APPL2: variants seen among roughly 807,000 people sequenced by gnomAD.
APPL2 encodes adaptor protein, phosphotyrosine interacting with PH domain and leucine zipper 2.
Under a neutral mutation model 92.7 loss-of-function variants are expected in APPL2, and 84 were observed. The ratio of observed to expected loss-of-function variants is 0.91; its 90% CI spans 0.76 to 1.09. APPL2 has a LOEUF of 1.09. Ranked by LOEUF, APPL2 falls within the 50% of genes least tolerant of loss-of-function variation. The pLI, the probability that APPL2 is intolerant of heterozygous loss-of-function variation, is 0.00. For synonymous variants in APPL2, 291 were observed against 291.0 expected, an observed-to-expected ratio of 1.00 and a Z score of 0.00; for missense variants, 736 against 824.5, an observed-to-expected ratio of 0.89 and a Z score of 1.31.
chr12:105,184,320 C>G (rs1028925038), intron 17 of APPL2, among the ~76,000 whole-genome samples: 1 of 152,136 alleles, frequency 6.6e-6, no homozygotes, highest in Non-Finnish European at 1.5e-5. Context: ...GAGTTGTGAT[C>G]CTTTGGAGGA....
intron 14 of APPL2, among the ~76,000 whole-genome samples, chr12:105,194,919 TG>T (rs1182694486): frequency 6.6e-6 from 1 of 152,212 alleles, no homozygotes; most frequent in African/African-American, 2.4e-5. Context: ...AAAACATTTT[TG>T]CTTTCGTTCC....
chr12:105,210,858 A>T (rs1451827215), intron 5 of APPL2, among the ~76,000 whole-genome samples: 1 of 152,140 alleles, frequency 6.6e-6, no homozygotes, highest in Non-Finnish European at 1.5e-5. Context: ...GACTTTACAA[A>T]TGTCCCCTAA....
intron 2 of APPL2, among the ~76,000 whole-genome samples, chr12:105,228,055 C>T (rs1482962350): frequency 4.6e-5 from 7 of 152,132 alleles, no homozygotes; most frequent in South Asian, 2.1e-4. Flanking sequence ...AGCTCCCCAA[C>T]GGCAAGGACT....
Position 105,176,969 on chromosome 12 carries a change from C to T in APPL2, c.1719G>A (p.Lys573=). 3.1e-6 allele frequency: 5 copies of T among 1,614,080 alleles called. No individual in the cohort carries two copies. The highest frequency in any genetic ancestry group is 1.1e-5 in the South Asian group (1 of 91,078). The change falls in exon 19 of 21, where the codon AAG becomes AAA. Residue 573 remains lysine (K), a synonymous_variant. Transcript: ENST00000258530. ...VTQFAAHQEN[K]RLVGFVIRVP... is the part of the protein sequence containing the mutation. The stretch of plus-strand genomic sequence containing the variant: ...CACGGATGACAAAACCAACCAGTCT[C>T]TTGTTTTCTTGATGAGCAGCAAATT...
Position 105,190,343 on chromosome 12 carries a change from G to T in APPL2, c.1242-188C>A, listed in dbSNP as rs148713024. On this transcript the variant is annotated intron_variant, in intron 14 of 20. Transcript: ENST00000258530. The stretch of plus-strand genomic sequence containing the variant: ...ATCCTTGGCTAAAAACCTTCAGTCT[G>T]CCCCATTTCCTGCAGTTCTCTCTGC... 5.9e-5 allele frequency among the ~76,000 whole-genome samples: 9 copies of T among 152,218 alleles called. No individual in the cohort carries two copies. The East Asian group carries it at 1.5e-3, about 26-fold the overall frequency.
In APPL2 at chr12:105,199,527, G is replaced by A. The variant is rs1388404687; in HGVS notation, c.709C>T (p.Gln237Ter). ...TCCGCCTCGGCTTCCAGTTCTACCTGAATGCTTAAGACAGAAGGTGTTGGG... is the reference window on the plus strand; with the variant it reads ...TCCGCCTCGGCTTCCAGTTCTACCTAAATGCTTAAGACAGAAGGTGTTGGG... Reference protein sequence around the residue: ...SSVADMVQSIQVELEAEAEKM... With the variant: ...SSVADMVQSI Residue 237 changes from glutamine (Q) to a stop codon, truncating the protein, a stop_gained, in exon 10 of 21, where the codon CAG becomes TAG. Coordinates refer to ENST00000258530, the MANE Select transcript of APPL2 (RefSeq NM_018171.5). LOFTEE classifies it high-confidence loss of function. 1 of 1,613,314 alleles carries A rather than the reference G, an allele frequency of 6.2e-7. No individual in the cohort carries two copies. Among genetic ancestry groups the A allele is most frequent in the African/African-American group, 1.3e-5 (1 of 74,866 alleles).
rs570845510 is a variant in APPL2 at position 105,174,304 on chromosome 12, C to T, written c.*10G>A. On this transcript the variant is annotated 3_prime_UTR_variant, in exon 21 of 21. Coordinates refer to ENST00000258530, the MANE Select transcript of APPL2 (RefSeq NM_018171.5). ...TTCCTGTTTGCTCTTCCCCCACAGG[C>T]GCAAGTGAGTTATGCTTCGGATTCT... 32 of 1,612,858 alleles carry T rather than the reference C, an allele frequency of 2.0e-5. No homozygotes were observed. The Middle Eastern group carries it at 6.6e-4, about 33-fold the overall frequency.
At chr12:105,200,173 A>G (rs956144737) in intron 9 of APPL2, among the ~76,000 whole-genome samples, 2 of 152,132 alleles carry the variant, frequency 1.3e-5, no homozygotes, top group African/African-American at 4.8e-5. Context: ...AGAGGTATCC[A>G]TGCTCAGCAC....
chr12:105,205,430 C>T (rs768672009), intron 8 of APPL2, among the ~76,000 whole-genome samples: 11 of 152,180 alleles, frequency 7.2e-5, no homozygotes, highest in African/African-American at 1.4e-4. Flanking sequence ...ATGTGTGCTA[C>T]GGTACCCACA....
chr12:105,234,737 T>A (rs1178460151), intron 1 of APPL2, among the ~76,000 whole-genome samples: 4 of 152,194 alleles, frequency 2.6e-5, no homozygotes, highest in Non-Finnish European at 5.9e-5. Context: ...ACAAAATGCC[T>A]TCTACCAAGG....
At chr12:105,223,123 C>T (rs924081763) in intron 2 of APPL2, among the ~76,000 whole-genome samples, 6 of 152,230 alleles carry the variant, frequency 3.9e-5, no homozygotes, top group Middle Eastern at 3.4e-3. Flanking sequence ...GCCACGGAGG[C>T]GTCTGAAGAT....
chr12:105,196,549 C>T (rs941923633), intron 11 of APPL2, among the ~76,000 whole-genome samples: 4 of 150,424 alleles, frequency 2.7e-5, no homozygotes, highest in African/African-American at 9.8e-5. Flanking sequence ...GATTCTCCTG[C>T]CTCAGCCTCC....
intron 2 of APPL2, among the ~76,000 whole-genome samples, chr12:105,220,964 A>T (rs1890054283): frequency 6.6e-6 from 1 of 152,248 alleles, no homozygotes; most frequent in Non-Finnish European, 1.5e-5. Flanking sequence ...GTGCAAGACC[A>T]ACTATGATTC....
chr12:105,184,897 G>T (rs189049415), intron 17 of APPL2, among the ~76,000 whole-genome samples: 3 of 132,756 alleles, frequency 2.3e-5, no homozygotes, highest in African/African-American at 5.3e-5. Context: ...GGAGATGGGA[G>T]TTTGATCTGT....
At chr12:105,176,626 G>A (rs1885568723) in intron 19 of APPL2, among the ~76,000 whole-genome samples, 1 of 152,044 alleles carries the variant, frequency 6.6e-6, no homozygotes, top group Admixed American at 6.5e-5. Flanking sequence ...CTTATATCCC[G>A]ACTAAATAAT....
At chr12:105,232,083 G>C (rs1890964909) in intron 1 of APPL2, among the ~76,000 whole-genome samples, 1 of 152,206 alleles carries the variant, frequency 6.6e-6, no homozygotes, top group Non-Finnish European at 1.5e-5. Context: ...TGGCATGCCA[G>C]CATGGAGACA....
chr12:105,190,126 T>C lies in APPL2; in HGVS notation c.1271A>G (p.Asn424Ser), dbSNP rs1887077104. 1 of 1,613,898 alleles carries C rather than the reference T, an allele frequency of 6.2e-7. No homozygotes were observed. Among genetic ancestry groups the C allele is most frequent in the South Asian group, 1.1e-5 (1 of 91,064 alleles). ...SQNLKNSEME[N>S]ENDKIVPKAT... ...TTTGGGAACAATCTTGTCATTTTCA[T>C]TTTCCATCTCTGAATTTTTCAGGTT... The change falls in exon 15 of 21, where the codon AAT (asparagine) becomes AGT (serine). Residue 424 changes from asparagine to serine, a missense_variant. Coordinates refer to ENST00000258530, the MANE Select transcript of APPL2 (RefSeq NM_018171.5).
intron 11 of APPL2, among the ~76,000 whole-genome samples, chr12:105,197,491 T>C (rs1407489007): frequency 1.3e-5 from 2 of 152,236 alleles, no homozygotes; most frequent in Non-Finnish European, 2.9e-5. Context: ...CAAGCACGAC[T>C]TCTGTTGCTG....
intron 14 of APPL2, among the ~76,000 whole-genome samples, chr12:105,193,115 A>AT (rs11364393): frequency 2.0e-5 from 3 of 151,774 alleles, no homozygotes; most frequent in Non-Finnish European, 2.9e-5. Flanking sequence ...GGCTAGAGTC[A>AT]TTTTTTTTCC....
Sources: allele counts gnomAD v4.1 joint callset (sites outside exome capture counted in the v4.1 genomes callset), GRCh38; gene constraint gnomAD v4.1.1; transcripts MANE v1.5; gene names NCBI Gene and HGNC (gene_info 2026-07-23, HGNC 2026-07-21).